The following NEURL1 variants were observed in gnomAD, a reference collection of about 807,000 sequenced individuals.
NEURL1 encodes the protein E3 ubiquitin-protein ligase NEURL1.
A neutral mutation model predicts 41.2 loss-of-function variants in NEURL1; 26 were observed. The ratio of observed to expected loss-of-function variants is 0.63; its 90% CI spans 0.46 to 0.87. The LOEUF (loss-of-function observed/expected upper bound fraction) is 0.87, where lower values mean the gene tolerates loss of function less well. Ranked by LOEUF, NEURL1 falls within the 40% of genes least tolerant of loss-of-function variation. The pLI, the probability that NEURL1 is intolerant of heterozygous loss-of-function variation, is 0.00. For synonymous variants in NEURL1, 400 were observed against 402.3 expected (o/e 0.99, Z 0.07); for missense variants, 761 against 871.1 (o/e 0.87, Z 1.59).
chr10:103,505,246 C>G (rs192064126), intron 1 of NEURL1, among the ~76,000 whole-genome samples: 404 of 137,868 alleles, frequency 2.9e-3, no homozygotes, highest in Non-Finnish European at 4.8e-3. Flanking sequence ...TTTTGGTAGA[C>G]GGAGTCTTGC....
At chr10:103,583,164 G>C in intron 3 of NEURL1, among the ~76,000 whole-genome samples, 1 of 152,146 alleles carries the variant, frequency 6.6e-6, no homozygotes, top group Non-Finnish European at 1.5e-5. Context: ...TCAGATGCTG[G>C]GGATAAGATG....
chr10:103,565,235 C>T (rs1411627708), intron 1 of NEURL1, among the ~76,000 whole-genome samples: 2 of 152,172 alleles, frequency 1.3e-5, no homozygotes, highest in Non-Finnish European at 2.9e-5. Context: ...CAGTCCATGG[C>T]AGGAGATGCC....
At chr10:103,575,624 A>G (rs1564828636) in intron 3 of NEURL1, among the ~76,000 whole-genome samples, 1 of 149,314 alleles carries the variant, frequency 6.7e-6, no homozygotes, top group African/African-American at 2.4e-5. Context: ...TGCCCTGGCC[A>G]GAATCCAAGC....
Position 103,590,248 on chromosome 10 carries a change from A to G in NEURL1, c.1601A>G (p.Tyr534Cys), listed in dbSNP as rs758444292. 1 of 1,614,046 alleles carries G rather than the reference A, an allele frequency of 6.2e-7. No homozygotes were observed. The highest frequency in any genetic ancestry group is 8.5e-7 in the Non-Finnish European group (1 of 1,179,976). The part of the protein sequence containing the change: ...CYEHAVDTVI[Y>C]TCGHMCLCYA... ...GAACACGCGGTGGACACGGTCATCT[A>G]CACATGTGGCCACATGTGCCTCTGC... Residue 534 changes from tyrosine (Y) to cysteine (C), a missense_variant, in exon 6 of 6, where the codon TAC becomes TGC. This residue lies in a region of NEURL1 where 45 missense variants were observed against 89.9 expected (regional missense o/e 0.50). Coordinates refer to ENST00000369780, the MANE Select transcript of NEURL1 (RefSeq NM_004210.5).
At chr10:103,543,925 T>G (rs1592210273) in intron 1 of NEURL1, among the ~76,000 whole-genome samples, 1 of 148,970 alleles carries the variant, frequency 6.7e-6, no homozygotes. Flanking sequence ...TGGGGTGGGG[T>G]AGGGGGGGTC....
At chr10:103,533,576 G>T (rs540295157) in intron 1 of NEURL1, among the ~76,000 whole-genome samples, 2 of 150,616 alleles carry the variant, frequency 1.3e-5, no homozygotes, top group South Asian at 2.1e-4. Flanking sequence ...TCACTCTGTC[G>T]CCCAGGCTGG....
chr10:103,584,441 A>C, intron 3 of NEURL1, 95 bp from the exon 4 acceptor site: 6 of 732,300 alleles, frequency 8.2e-6, no homozygotes, highest in Non-Finnish European at 1.1e-5. Flanking sequence ...GCCATCCGGG[A>C]TTGTAACGGT....
At position 103,509,322 on chromosome 10, in the gene NEURL1, G is replaced by A. The variant is rs1183104156; in HGVS notation, c.85+14850G>A. Among the ~76,000 whole-genome samples the A allele has an allele frequency of 2.6e-5, 4 of 152,214 alleles. No homozygotes were observed. In the South Asian group the frequency reaches 8.3e-4, roughly 32 times the overall value. On this transcript the variant is annotated intron_variant, in intron 1 of 5. Coordinates refer to ENST00000369780, the MANE Select transcript of NEURL1 (RefSeq NM_004210.5). The stretch of plus-strand genomic sequence containing the variant: ...CACATTCTGAGAATTGTGTTGTTAG[G>A]CGATTTCGTCATAGGGGAACAGCAC...
At chr10:103,584,195 G>A (rs1015191807) in intron 3 of NEURL1, among the ~76,000 whole-genome samples, 8 of 152,186 alleles carry the variant, frequency 5.3e-5, no homozygotes, top group African/African-American at 1.9e-4. Flanking sequence ...AAGACGGAAG[G>A]AGCCCAGGAG....
At position 103,521,515 on chromosome 10, in the gene NEURL1, C is replaced by T. The variant is rs375248436; in HGVS notation, c.85+27043C>T. Among the ~76,000 whole-genome samples the T allele has an allele frequency of 4.9e-3, 739 of 152,216 alleles. 5 individuals are homozygous for T. Among genetic ancestry groups the T allele is most frequent in the African/African-American group, 0.016 (662 of 41,524 alleles). Reference sequence around the variant, plus strand: ...GAACAATCCCTGACGAGTAGCAGAACAGCAGATGGAACACTGAGAAGTGAT... The same window carrying T: ...GAACAATCCCTGACGAGTAGCAGAATAGCAGATGGAACACTGAGAAGTGAT... On this transcript the variant is annotated intron_variant, in intron 1 of 5. Coordinates refer to ENST00000369780, the MANE Select transcript of NEURL1 (RefSeq NM_004210.5).
chr10:103,547,591 G>A (rs888117758), intron 1 of NEURL1, among the ~76,000 whole-genome samples: 2 of 152,220 alleles, frequency 1.3e-5, no homozygotes, highest in Non-Finnish European at 2.9e-5. Context: ...GAAGGAGGGG[G>A]GCCTCCCAGC....
intron 1 of NEURL1, among the ~76,000 whole-genome samples, chr10:103,563,708 A>G (rs1389143340): frequency 6.6e-6 from 1 of 152,200 alleles, no homozygotes; most frequent in Non-Finnish European, 1.5e-5. Flanking sequence ...GAGTTTTACA[A>G]ACACCATCTA....
intron 1 of NEURL1, among the ~76,000 whole-genome samples, chr10:103,500,780 A>G (rs772751580): frequency 6.6e-6 from 1 of 152,236 alleles, no homozygotes; most frequent in African/African-American, 2.4e-5. Context: ...AGCTGGAAGC[A>G]TGTATACCAT....
At chr10:103,561,262 C>CTT (rs767348574) in intron 1 of NEURL1, among the ~76,000 whole-genome samples, 4 of 141,740 alleles carry the variant, frequency 2.8e-5, no homozygotes, top group African/African-American at 5.1e-5. Flanking sequence ...CTCTGTATTC[C>CTT]TTTTTTTTTT....
chr10:103,590,811 G>A lies in NEURL1; in HGVS notation c.*439G>A. ...CAGGACATGTGGCCTGGCTAGTGCA[G>A]CATGGAGTGGATTTTAGGCTCATTT... On this transcript the variant is annotated 3_prime_UTR_variant, in exon 6 of 6. Transcript: ENST00000369780. 4.8e-6 allele frequency: 1 copy of A among 208,028 alleles called. No homozygotes were observed. Among genetic ancestry groups the A allele is most frequent in the Non-Finnish European group, 9.8e-6 (1 of 102,354 alleles). The allele number at this position is 208,028 out of a possible 1,614,324, so 12.9% of individuals were successfully genotyped here.
intron 3 of NEURL1, among the ~76,000 whole-genome samples, chr10:103,575,767 G>A (rs575649055): frequency 2.6e-5 from 4 of 151,436 alleles, no homozygotes; most frequent in African/African-American, 9.6e-5. Flanking sequence ...GGGCGCCCTG[G>A]CCCAAGCCCA....
chr10:103,520,392 T>G (rs1256298502), intron 1 of NEURL1, among the ~76,000 whole-genome samples: 1 of 152,066 alleles, frequency 6.6e-6, no homozygotes, highest in African/African-American at 2.4e-5. Flanking sequence ...GTTTTTCTCT[T>G]GCAGGCAGGG....
intron 1 of NEURL1, among the ~76,000 whole-genome samples, chr10:103,499,134 G>A (rs1223255359): frequency 6.6e-6 from 1 of 152,200 alleles, no homozygotes; most frequent in Non-Finnish European, 1.5e-5. Flanking sequence ...ACAGTTGTAG[G>A]AAGGCCGTCC....
chr10:103,588,906 A>C, intron 4 of NEURL1: 1 of 432,886 alleles, frequency 2.3e-6, no homozygotes, highest in Non-Finnish European at 4.5e-6. Flanking sequence ...AGGTCGTGCC[A>C]CTGCACTCCA....
Sources: allele counts gnomAD v4.1 joint callset (sites outside exome capture counted in the v4.1 genomes callset), GRCh38; gene constraint gnomAD v4.1.1; regional missense constraint gnomAD v4.1.1; transcripts MANE v1.5; gene names NCBI Gene and HGNC (gene_info 2026-07-23, HGNC 2026-07-21).